Variants in STK32C observed in about 807,000 individuals in gnomAD.
STK32C encodes serine/threonine kinase 32C.
In STK32C, 31 loss-of-function variants were observed where a neutral mutation model predicts 56.5. The ratio of observed to expected loss-of-function variants is 0.55; its 90% CI spans 0.41 to 0.74. The LOEUF (loss-of-function observed/expected upper bound fraction) is 0.74. Among genes scored for constraint, STK32C ranks in the 30% least tolerant of loss-of-function variants. The probability of loss-of-function intolerance (pLI) is 0.00; values close to 1 mark genes in which losing one functional copy is unlikely to be tolerated. For missense variants in STK32C, 544 were observed against 676.9 expected (o/e 0.80, Z 2.18); for synonymous variants, 309 against 289.4 (o/e 1.07, Z -0.69).
intron 1 of STK32C, among the ~76,000 whole-genome samples, chr10:132,326,142 G>A (rs1470021776): frequency 6.6e-6 from 1 of 152,162 alleles, no homozygotes; most frequent in African/African-American, 2.4e-5. Flanking sequence ...TAAAGATCCA[G>A]TTATGTTAGA....
rs553497821 is a variant in STK32C at position 132,300,780 on chromosome 10, C to G, written c.262+6792G>C. Reference sequence around the variant, plus strand: ...CCGGGTGGCCACTCGCCCCCATTGACAGCCAGAGCCGAACAAGGCGGCATC... The same window carrying G: ...CCGGGTGGCCACTCGCCCCCATTGAGAGCCAGAGCCGAACAAGGCGGCATC... On this transcript the variant is annotated intron_variant, in intron 1 of 11. Transcript: ENST00000298630. 1.5e-4 allele frequency among the ~76,000 whole-genome samples: 23 copies of G among 152,316 alleles called. No individual in the cohort carries two copies. In the South Asian group the frequency reaches 4.6e-3, roughly 30 times the overall value.
intron 1 of STK32C, among the ~76,000 whole-genome samples, chr10:132,288,552 G>A (rs952057073): frequency 9.2e-5 from 14 of 152,228 alleles, no homozygotes; most frequent in Non-Finnish European, 2.1e-4. Flanking sequence ...TAGTGGTTAG[G>A]TGACTGTATG....
chr10:132,229,764 G>T (rs1389682248), intron 2 of STK32C, among the ~76,000 whole-genome samples: 1 of 152,226 alleles, frequency 6.6e-6, no homozygotes, highest in Non-Finnish European at 1.5e-5. Flanking sequence ...CCTCCCGCAA[G>T]GGGCCACTGG....
At chr10:132,213,347 A>G (rs938576999) in intron 10 of STK32C, among the ~76,000 whole-genome samples, 2 of 152,136 alleles carry the variant, frequency 1.3e-5, no homozygotes, top group African/African-American at 4.8e-5. Context: ...CATCTTCCCA[A>G]CACACCCACA....
chr10:132,276,002 C>T (rs536485040), intron 1 of STK32C, among the ~76,000 whole-genome samples: 1 of 152,066 alleles, frequency 6.6e-6, no homozygotes, highest in African/African-American at 2.4e-5. Context: ...AGTGAAGGCC[C>T]GCGAGGATGG....
intron 2 of STK32C, 60 bp downstream of exon 2, chr10:132,245,840 C>T (rs2063668217): frequency 7.8e-6 from 12 of 1,536,948 alleles, no homozygotes; most frequent in South Asian, 1.1e-5. Context: ...ACAGCATGTC[C>T]GACTCCACGG....
intron 11 of STK32C, among the ~76,000 whole-genome samples, chr10:132,208,741 T>C (rs1309500324): frequency 1.3e-5 from 2 of 151,468 alleles, no homozygotes; most frequent in African/African-American, 2.4e-5. Flanking sequence ...GGTGGGGGAG[T>C]TGACGTGGCT....
rs2062949768 is a variant in STK32C, at chr10:132,227,876, G to C, written c.470+101C>G. On this transcript the variant is annotated intron_variant, in intron 3 of 11. Coordinates refer to ENST00000298630, the MANE Select transcript of STK32C (RefSeq NM_173575.4). ...CTGTGGGTGGCAGAGGCATCTCCGAGGCACGAGGGCCAAGGAGCACCAAGG... is the reference window on the plus strand; with the variant it reads ...CTGTGGGTGGCAGAGGCATCTCCGACGCACGAGGGCCAAGGAGCACCAAGG... 4.1e-6 allele frequency: 6 copies of C among 1,454,036 alleles called. No individual in the cohort carries two copies. In the South Asian group the frequency reaches 7.8e-5, roughly 19 times the overall value. 90.1% of individuals were successfully genotyped at this position (1,454,036 alleles called of 1,614,324 possible).
At chr10:132,280,679 C>T (rs576707851) in intron 1 of STK32C, among the ~76,000 whole-genome samples, 10 of 90,188 alleles carry the variant, frequency 1.1e-4, no homozygotes, top group East Asian at 8.2e-4. Context: ...TCCGTGATCA[C>T]GCACCTCCAC....
chr10:132,276,510 G>T (rs113808122), intron 1 of STK32C, among the ~76,000 whole-genome samples: 3,812 of 152,308 alleles, frequency 0.025, 166 homozygotes, highest in African/African-American at 0.086. Flanking sequence ...GGCGAGGCAC[G>T]GCGGCTCACG....
intron 10 of STK32C, among the ~76,000 whole-genome samples, chr10:132,215,262 C>T (rs919905846): frequency 6.6e-6 from 1 of 152,152 alleles, no homozygotes; most frequent in African/African-American, 2.4e-5. Flanking sequence ...AATCCTCTCA[C>T]GTCACTGGAA....
chr10:132,234,486 G>A (rs2063208032), intron 2 of STK32C, among the ~76,000 whole-genome samples: 1 of 152,146 alleles, frequency 6.6e-6, no homozygotes, highest in Non-Finnish European at 1.5e-5. Flanking sequence ...ATTCTTGGGG[G>A]GACTCTGGGT....
chr10:132,257,784 C>A (rs2064176616), intron 1 of STK32C, among the ~76,000 whole-genome samples: 1 of 151,862 alleles, frequency 6.6e-6, no homozygotes, highest in Non-Finnish European at 1.5e-5. Flanking sequence ...GCCCCAGAAC[C>A]AAACACCCCC....
intron 1 of STK32C, among the ~76,000 whole-genome samples, chr10:132,264,438 C>T (rs555884140): frequency 2.0e-5 from 3 of 152,206 alleles, no homozygotes; most frequent in East Asian, 1.9e-4. Flanking sequence ...GTGGGCGGGA[C>T]GCACAGGGAG....
chr10:132,225,424 C>T lies in STK32C; in HGVS notation c.773-88G>A, dbSNP rs554190665. The T allele has an allele frequency of 6.9e-5, 109 of 1,586,818 alleles. No homozygotes were observed. In the East Asian group the frequency reaches 2.3e-3, roughly 33 times the overall value. On this transcript the variant is annotated intron_variant, in intron 6 of 11. Coordinates refer to ENST00000298630, the MANE Select transcript of STK32C (RefSeq NM_173575.4). ...GGGCCGGCACCTTGAGGCCACATCC[C>T]GAGACCAGGCTGCCTCCAGGGTGGG... is the stretch of plus-strand genomic sequence containing the variant.
Position 132,307,479 on chromosome 10 carries a change from C to A in STK32C, c.262+93G>T, listed in dbSNP as rs1162689500. 3 of 1,360,290 alleles carry A rather than the reference C, an allele frequency of 2.2e-6. No homozygotes were observed. The highest frequency in any genetic ancestry group is 2.9e-6 in the Non-Finnish European group (3 of 1,038,256). The allele number at this position is 1,360,290 out of a possible 1,614,324, so 84.3% of individuals were successfully genotyped here. ...GGGCGCCCCGGGAAGCCGTCCCGGACACCGGGGGAACCCCTGCGGGAAAAA... is the reference window on the plus strand; with the variant it reads ...GGGCGCCCCGGGAAGCCGTCCCGGAAACCGGGGGAACCCCTGCGGGAAAAA... On this transcript the variant is annotated intron_variant, in intron 1 of 11. Transcript: ENST00000298630. This position sits in a 1 kb window ranked among gnomAD's most constrained non-coding sequence, Gnocchi z 4.4.
intron 1 of STK32C, among the ~76,000 whole-genome samples, chr10:132,257,263 C>T (rs753934664): frequency 2.3e-4 from 35 of 152,106 alleles, no homozygotes; most frequent in Non-Finnish European, 4.1e-4. Flanking sequence ...CTGGAAAAAG[C>T]CCTGTCCACG....
chr10:132,228,118 A>T lies in STK32C; in HGVS notation c.329T>A (p.Val110Glu). Reference protein sequence around the residue: ...GKGSFGKVCIVQKRDTEKMYA... With the variant: ...GKGSFGKVCIEQKRDTEKMYA... The stretch of plus-strand genomic sequence containing the variant: ...CATCTTCTCCGTGTCCCGCTTCTGC[A>T]CAATGCACACCTGGAGGGCACAGGG... Residue 110 changes from valine (V) to glutamate (E), a missense_variant, in exon 3 of 12, where the codon GTG (valine) becomes GAG (glutamate). Transcript: ENST00000298630. The T allele has an allele frequency of 6.2e-7, 1 of 1,613,972 alleles. No homozygotes were observed. Among genetic ancestry groups the T allele is most frequent in the Non-Finnish European group, 8.5e-7 (1 of 1,180,024 alleles).
chr10:132,316,373 G>A (rs868364196), intron 1 of STK32C, among the ~76,000 whole-genome samples: 2 of 152,310 alleles, frequency 1.3e-5, no homozygotes, highest in Middle Eastern at 3.4e-3. Flanking sequence ...AGCACTTTAG[G>A]AGGCTGAGGT....
Sources: allele counts gnomAD v4.1 joint callset (sites outside exome capture counted in the v4.1 genomes callset), GRCh38; gene constraint gnomAD v4.1.1; non-coding constraint Gnocchi (gnomAD v3.1); transcripts MANE v1.5; gene names NCBI Gene and HGNC (gene_info 2026-07-23, HGNC 2026-07-21).